XKR9: variants seen among roughly 807,000 people sequenced by gnomAD.
XKR9 encodes the protein XK related 9, also known as XK-related protein 9.
XKR9 carries 32 observed loss-of-function variants against 32.0 expected under a neutral mutation model. The ratio of observed to expected loss-of-function variants is 1.00; its 90% CI spans 0.76 to 1.34. The LOEUF is 1.34. Among genes scored for constraint, XKR9 ranks in the 40% most tolerant of loss-of-function variants. The pLI is 0.00. For missense variants in XKR9, 546 were observed against 429.7 expected (o/e 1.27, Z -2.39); for synonymous variants, 168 against 143.4 (o/e 1.17, Z -1.22).
the XKR9 span, among the ~76,000 whole-genome samples, chr8:70,878,225 T>C: frequency 2.6e-5 from 4 of 152,146 alleles, no homozygotes; most frequent in Non-Finnish European, 5.9e-5. Flanking sequence ...AGACCATCGA[T>C]GCTATGAAGA....
chr8:70,872,049 C>G, the XKR9 span, among the ~76,000 whole-genome samples: 1 of 152,086 alleles, frequency 6.6e-6, no homozygotes, highest in Non-Finnish European at 1.5e-5. Flanking sequence ...AGAACTAGAA[C>G]ATGGAACTAG....
At chr8:70,815,546 G>A in the XKR9 span, among the ~76,000 whole-genome samples, 1 of 42,254 alleles carries the variant, frequency 2.4e-5, no homozygotes, top group East Asian at 3.6e-4. Context: ...TATTTATTGA[G>A]ATGGAGTCTC....
At chr8:70,776,947 C>CTCTCTCTCTCTCTATATA in intron 2 of XKR9, among the ~76,000 whole-genome samples, 725 of 54,180 alleles carry the variant, frequency 0.013, 9 homozygotes, top group East Asian at 0.034. Flanking sequence ...CTCTCTCTCT[C>CTCTCTCTCTCTCTATATA]TATATATATA....
chr8:70,940,327 C>T, the XKR9 span, among the ~76,000 whole-genome samples: 2 of 152,010 alleles, frequency 1.3e-5, no homozygotes, highest in African/African-American at 2.4e-5. Flanking sequence ...TATCTACCAT[C>T]AATCAGATAT....
the XKR9 span, among the ~76,000 whole-genome samples, chr8:70,924,277 C>T: frequency 6.6e-6 from 1 of 152,190 alleles, no homozygotes; most frequent in South Asian, 2.1e-4. Context: ...TCCCCAAGAC[C>T]ATTGTAACAG....
In XKR9 at chr8:70,684,714, C is replaced by T. The variant is rs947857121; in HGVS notation, c.272+3384C>T. 3.4e-5 allele frequency among the ~76,000 whole-genome samples: 5 copies of T among 147,222 alleles called. No individual in the cohort carries two copies. The East Asian group carries it at 7.9e-4, about 23-fold the overall frequency. ...TGAACAGACACGTCTCAAAAGAAGA[C>T]ATTTATGCAGCCAAAAAACACATGA... On this transcript the variant is annotated intron_variant, in intron 3 of 4. Transcript: ENST00000408926.
chr8:70,786,369 G>T (rs1368350229), intron 2 of XKR9, among the ~76,000 whole-genome samples: 2 of 151,818 alleles, frequency 1.3e-5, no homozygotes, highest in South Asian at 4.2e-4. Context: ...GTTTTAAGTG[G>T]GGGTACTGAA....
the XKR9 span, among the ~76,000 whole-genome samples, chr8:70,809,836 G>A: frequency 6.6e-6 from 1 of 152,188 alleles, no homozygotes; most frequent in Non-Finnish European, 1.5e-5. Context: ...AAAGTGACAG[G>A]GAGAATGGAA....
At chr8:70,709,870 G>T (rs1220200196) in intron 4 of XKR9, among the ~76,000 whole-genome samples, 1 of 152,144 alleles carries the variant, frequency 6.6e-6, no homozygotes, top group East Asian at 1.9e-4. Context: ...AAATGGCCAT[G>T]CTGTCCAAAG....
At chr8:70,889,433 G>T in the XKR9 span, among the ~76,000 whole-genome samples, 1 of 151,252 alleles carries the variant, frequency 6.6e-6, no homozygotes, top group Non-Finnish European at 1.5e-5. Context: ...GATTCAGGGG[G>T]TACATGTGTA....
At chr8:70,783,224 G>A (rs1428634280) in intron 2 of XKR9, among the ~76,000 whole-genome samples, 1 of 148,564 alleles carries the variant, frequency 6.7e-6, no homozygotes, top group African/African-American at 2.5e-5. Context: ...CCATTTGTAT[G>A]TCTTTTTTTT....
chr8:70,931,337 G>A, the XKR9 span, among the ~76,000 whole-genome samples: 2 of 152,076 alleles, frequency 1.3e-5, no homozygotes, highest in Admixed American at 1.3e-4. Context: ...AAGGTGGCTG[G>A]ATATGTCCAT....
At chr8:70,935,150 TACATATATATACATATATAC>T in the XKR9 span, among the ~76,000 whole-genome samples, 2 of 143,220 alleles carry the variant, frequency 1.4e-5, no homozygotes, top group African/African-American at 5.2e-5. Context: ...TACACATATA[TACATATATATACATATATAC>T]ACATATGTAT....
the XKR9 span, among the ~76,000 whole-genome samples, chr8:71,065,457 C>A: frequency 6.6e-6 from 1 of 152,222 alleles, no homozygotes; most frequent in South Asian, 2.1e-4. Context: ...GATCTCAGAC[C>A]TCCAGCTTCC....
chr8:70,750,340 AT>A (rs1177750124), intron 2 of XKR9, among the ~76,000 whole-genome samples: 2 of 152,216 alleles, frequency 1.3e-5, no homozygotes, highest in East Asian at 1.9e-4. Flanking sequence ...AATGGAGTAT[AT>A]TTTTTTCCCT....
chr8:70,906,847 A>G, the XKR9 span, among the ~76,000 whole-genome samples: 1 of 152,142 alleles, frequency 6.6e-6, no homozygotes, highest in Non-Finnish European at 1.5e-5. Context: ...AATTAGATTT[A>G]TCTGTATATA....
chr8:71,000,154 T>C, the XKR9 span, among the ~76,000 whole-genome samples: 2 of 152,208 alleles, frequency 1.3e-5, no homozygotes, highest in African/African-American at 2.4e-5. Context: ...TGGCTCTAGA[T>C]AGAGAAAACT....
the XKR9 span, among the ~76,000 whole-genome samples, chr8:70,922,124 A>T: frequency 6.6e-6 from 1 of 152,126 alleles, no homozygotes. Flanking sequence ...CACCTCCTCT[A>T]CCCTCTGTAT....
chr8:70,789,451 A>C (rs1478468567), exon 3 of XKR9: 1 of 152,094 alleles, frequency 6.6e-6, no homozygotes, highest in Non-Finnish European at 1.5e-5. Flanking sequence ...AGAAAGCTCC[A>C]GTTCAAGCCT....
Sources: allele counts gnomAD v4.1 joint callset (sites outside exome capture counted in the v4.1 genomes callset), GRCh38; gene constraint gnomAD v4.1.1; transcripts MANE v1.5; gene names NCBI Gene and HGNC (gene_info 2026-07-23, HGNC 2026-07-21).